Variants in IL15 observed in about 807,000 individuals in gnomAD.
IL15 encodes the protein interleukin 15.
A neutral mutation model predicts 19.6 loss-of-function variants in IL15; 11 were observed. The observed-to-expected ratio is 0.56, with a 90% CI of 0.35 to 0.93. The LOEUF (loss-of-function observed/expected upper bound fraction) is 0.93, where lower values mean the gene tolerates loss of function less well. Ranked by LOEUF, IL15 falls within the 40% of genes least tolerant of loss-of-function variation. IL15 has a pLI of 0.01. For missense variants in IL15, 197 were observed against 186.5 expected, an observed-to-expected ratio of 1.06 and a Z score of -0.33; for synonymous variants, 58 against 59.6, an observed-to-expected ratio of 0.97 and a Z score of 0.12.
At chr4:141,666,894 A>G (rs1020414176) in intron 2 of IL15, among the ~76,000 whole-genome samples, 4 of 152,176 alleles carry the variant, frequency 2.6e-5, no homozygotes, top group Non-Finnish European at 5.9e-5. Context: ...CACTCAGCCT[A>G]TTCATATTAG....
chr4:141,658,835 C>A (rs1382065238), intron 2 of IL15, among the ~76,000 whole-genome samples: 2 of 149,662 alleles, frequency 1.3e-5, no homozygotes, highest in East Asian at 4.0e-4. Context: ...ACTTCATAAA[C>A]TTCCTAGAAA....
At chr4:141,662,355 G>A (rs929011231) in intron 2 of IL15, among the ~76,000 whole-genome samples, 3 of 152,194 alleles carry the variant, frequency 2.0e-5, no homozygotes, top group Admixed American at 6.5e-5. Flanking sequence ...TGTGATTTTA[G>A]AAGACTATAG....
At chr4:141,712,714 T>C (rs1033785951) in intron 2 of IL15, among the ~76,000 whole-genome samples, 3 of 147,294 alleles carry the variant, frequency 2.0e-5, no homozygotes, top group African/African-American at 7.4e-5. Context: ...GTTTAATTAA[T>C]GCTTTTTGAT....
chr4:141,729,215 C>A (rs919647251), intron 6 of IL15, among the ~76,000 whole-genome samples: 1 of 152,062 alleles, frequency 6.6e-6, no homozygotes, highest in African/African-American at 2.4e-5. Context: ...GTATCGAGGA[C>A]ACAAAGTCAA....
At chr4:141,637,182 GCTGAGTT>G (rs1245540634) in intron 1 of IL15, 1 of 152,266 alleles carries the variant, frequency 6.6e-6, no homozygotes, top group African/African-American at 2.4e-5. Flanking sequence ...AGCCCTGAGG[GCTGAGTT>G]CTGCACCCAG....
At chr4:141,650,696 G>A (rs1356262764) in intron 1 of IL15, among the ~76,000 whole-genome samples, 1 of 151,948 alleles carries the variant, frequency 6.6e-6, no homozygotes, top group Non-Finnish European at 1.5e-5. Context: ...GTTGAATCTG[G>A]TGGTTCAGGA....
intron 1 of IL15, among the ~76,000 whole-genome samples, chr4:141,650,515 T>C (rs776486977): frequency 6.6e-6 from 1 of 152,074 alleles, no homozygotes; most frequent in African/African-American, 2.4e-5. Context: ...TGCTTTGTGC[T>C]ATGGTAACTG....
chr4:141,637,448 T>C (rs972542756), intron 1 of IL15, among the ~76,000 whole-genome samples: 1 of 151,946 alleles, frequency 6.6e-6, no homozygotes, highest in Non-Finnish European at 1.5e-5. Context: ...CAGTTATCTC[T>C]TAGAGAAGCG....
At chr4:141,698,627 G>A (rs1729179999) in intron 2 of IL15, among the ~76,000 whole-genome samples, 1 of 152,008 alleles carries the variant, frequency 6.6e-6, no homozygotes, top group Non-Finnish European at 1.5e-5. Context: ...TATGCATAAA[G>A]TTGTCCATAG....
Position 141,733,836 on chromosome 4 carries a change from C to A in IL15, c.*988C>A, listed in dbSNP as rs916414505. 1 of 152,034 alleles carries A rather than the reference C, an allele frequency of 6.6e-6. No individual in the cohort carries two copies. Among genetic ancestry groups the A allele is most frequent in the African/African-American group, 2.4e-5 (1 of 41,408 alleles). 9.4% of individuals were successfully genotyped at this position (152,034 alleles called of 1,614,324 possible). On this transcript the variant is annotated 3_prime_UTR_variant, in exon 8 of 8. Coordinates refer to ENST00000320650, the MANE Select transcript of IL15 (RefSeq NM_000585.5). ...ATGTTTATATAATAATAAAGAAAAA[C>A]CCTGTTGATTTGTTGGAGCCATTGT...
At chr4:141,691,600 G>A (rs532773645) in intron 2 of IL15, among the ~76,000 whole-genome samples, 1 of 152,250 alleles carries the variant, frequency 6.6e-6, no homozygotes, top group East Asian at 1.9e-4. Context: ...AAACGAAGGG[G>A]CCACAGGTTC....
At chr4:141,726,104 C>A (rs73851523) in intron 5 of IL15, among the ~76,000 whole-genome samples, 4,060 of 152,220 alleles carry the variant, frequency 0.027, 185 homozygotes, top group African/African-American at 0.092. Flanking sequence ...CCAATTACCT[C>A]TTAAAGCCCC....
chr4:141,715,583 T>C (rs544218862), intron 2 of IL15: 30 of 152,220 alleles, frequency 2.0e-4, no homozygotes, highest in African/African-American at 7.0e-4. Context: ...TCTGCCATCA[T>C]TGATGTATTC....
intron 2 of IL15, among the ~76,000 whole-genome samples, chr4:141,714,027 C>G (rs928771449): frequency 6.6e-6 from 1 of 152,124 alleles, no homozygotes; most frequent in Non-Finnish European, 1.5e-5. Context: ...AGGTCAGGCT[C>G]TCATACTATT....
At chr4:141,659,716 T>C (rs1424505612) in intron 2 of IL15, among the ~76,000 whole-genome samples, 1 of 152,232 alleles carries the variant, frequency 6.6e-6, no homozygotes, top group African/African-American at 2.4e-5. Flanking sequence ...AAATAAGCTA[T>C]GGCAGGGGAA....
intron 2 of IL15, among the ~76,000 whole-genome samples, chr4:141,693,217 A>G (rs910195485): frequency 1.3e-5 from 2 of 151,922 alleles, no homozygotes; most frequent in African/African-American, 2.4e-5. Context: ...CCACTTTTAA[A>G]CTATCAGATC....
chr4:141,694,611 C>A (rs2152178915), intron 2 of IL15, among the ~76,000 whole-genome samples: 1 of 152,292 alleles, frequency 6.6e-6, no homozygotes, highest in Non-Finnish European at 1.5e-5. Flanking sequence ...AATTCTTAGA[C>A]CGTCTTTTTC....
At chr4:141,721,858 G>A in intron 4 of IL15, 66 bp from the exon 5 acceptor site, 1 of 1,347,878 alleles carries the variant, frequency 7.4e-7, no homozygotes. Context: ...TTGCTCTTTT[G>A]CTTATAGTAT....
At chr4:141,674,639 G>A (rs1457059141) in intron 2 of IL15, among the ~76,000 whole-genome samples, 1 of 151,902 alleles carries the variant, frequency 6.6e-6, no homozygotes, top group African/African-American at 2.4e-5. Flanking sequence ...AAAATAAAAT[G>A]TTTAAAGGTA....
Sources: allele counts gnomAD v4.1 joint callset (sites outside exome capture counted in the v4.1 genomes callset), GRCh38; gene constraint gnomAD v4.1.1; transcripts MANE v1.5; gene names NCBI Gene and HGNC (gene_info 2026-07-23, HGNC 2026-07-21).